The following DYM variants were observed in gnomAD, a reference collection of about 807,000 sequenced individuals.
DYM encodes the protein dymeclin.
Under a neutral mutation model 93.1 loss-of-function variants are expected in DYM, and 78 were observed. That is an observed-to-expected ratio of 0.84 (90% CI 0.70 to 1.01). DYM has a LOEUF of 1.01. Ranked by LOEUF, DYM falls within the 50% of genes least tolerant of loss-of-function variation. The pLI is 0.00. For missense variants in DYM, 789 were observed against 845.0 expected (o/e 0.93, Z 0.82); for synonymous variants, 321 against 319.7 (o/e 1.00, Z -0.04).
chr18:49,378,516 C>A (rs184227003), intron 5 of DYM, 51 bp downstream of exon 5: 3 of 1,526,168 alleles, frequency 2.0e-6, no homozygotes, highest in Admixed American at 3.4e-5. Context: ...AAATTTTATC[C>A]TTAAATGTTA....
intron 5 of DYM, among the ~76,000 whole-genome samples, 178 bp downstream of exon 5, chr18:49,378,378 AACAAAAAACGC>A (rs2067711920): frequency 6.6e-6 from 1 of 152,210 alleles, no homozygotes; most frequent in Non-Finnish European, 1.5e-5. Context: ...GAAAAACAAA[AACAAAAAACGC>A]TTGAGTCTTG....
intron 11 of DYM, among the ~76,000 whole-genome samples, chr18:49,261,302 T>A (rs953963844): frequency 4.6e-5 from 7 of 152,214 alleles, no homozygotes; most frequent in Admixed American, 4.6e-4. Context: ...GACTGCATTC[T>A]CCACTCAGAG....
intron 13 of DYM, among the ~76,000 whole-genome samples, chr18:49,234,533 T>C (rs1324964801): frequency 6.6e-6 from 1 of 152,114 alleles, no homozygotes; most frequent in Non-Finnish European, 1.5e-5. Context: ...TGAACTAAGA[T>C]GCTTCCTGGA....
At chr18:49,053,766 A>T (rs998241662) in intron 17 of DYM, among the ~76,000 whole-genome samples, 1 of 152,162 alleles carries the variant, frequency 6.6e-6, no homozygotes. Flanking sequence ...TCCATATCCT[A>T]TTGCTGTGTA....
chr18:49,405,502 T>A (rs1468640119), intron 2 of DYM, among the ~76,000 whole-genome samples: 1 of 152,206 alleles, frequency 6.6e-6, no homozygotes, highest in East Asian at 1.9e-4. Flanking sequence ...TAGGAAGTCT[T>A]TTCCTTATGA....
intron 2 of DYM, among the ~76,000 whole-genome samples, chr18:49,425,606 C>G (rs1438168525): frequency 6.6e-6 from 1 of 152,132 alleles, no homozygotes; most frequent in African/African-American, 2.4e-5. Flanking sequence ...AGTGAACAGG[C>G]AACCTACAGA....
At chr18:49,420,774 G>T (rs1003684579) in intron 2 of DYM, among the ~76,000 whole-genome samples, 3 of 152,080 alleles carry the variant, frequency 2.0e-5, no homozygotes, top group Non-Finnish European at 2.9e-5. Flanking sequence ...AAGGGAAGCC[G>T]TGACAGACAG....
At chr18:49,056,703 A>T (rs1247300324) in intron 17 of DYM, among the ~76,000 whole-genome samples, 1 of 121,902 alleles carries the variant, frequency 8.2e-6, no homozygotes, top group Non-Finnish European at 1.6e-5. Flanking sequence ...ACAACTGGGT[A>T]ATTTTTTTTT....
intron 2 of DYM, chr18:49,418,060 G>GGAA (rs1555736187): frequency 9.3e-6 from 1 of 107,710 alleles, no homozygotes; most frequent in Non-Finnish European, 1.8e-5. Context: ...AACTCTGTCT[G>GGAA]AAAAAAAAAA....
chr18:49,438,525 C>T (rs1468854539), intron 1 of DYM, among the ~76,000 whole-genome samples: 2 of 152,100 alleles, frequency 1.3e-5, no homozygotes, highest in African/African-American at 4.8e-5. Context: ...CCTTCAAGGG[C>T]ACCATCCCAA....
At chr18:49,301,979 A>G (rs1218035346) in intron 8 of DYM, among the ~76,000 whole-genome samples, 2 of 152,220 alleles carry the variant, frequency 1.3e-5, no homozygotes, top group Non-Finnish European at 2.9e-5. Context: ...GCATAATCCT[A>G]CCACTTAGGT....
chr18:49,068,684 C>A (rs1449495243), intron 17 of DYM, among the ~76,000 whole-genome samples: 1 of 152,192 alleles, frequency 6.6e-6, no homozygotes, highest in African/African-American at 2.4e-5. Flanking sequence ...CTCTCATATG[C>A]TGAGGATGAG....
chr18:49,319,543 G>A (rs1278652453), intron 8 of DYM, among the ~76,000 whole-genome samples: 1 of 152,180 alleles, frequency 6.6e-6, no homozygotes, highest in Non-Finnish European at 1.5e-5. Context: ...AAAAGATGAA[G>A]TAGGTGAATG....
At chr18:49,150,877 A>G (rs761658375) in intron 15 of DYM, among the ~76,000 whole-genome samples, 3 of 152,252 alleles carry the variant, frequency 2.0e-5, no homozygotes, top group Non-Finnish European at 4.4e-5. Context: ...TTGATTATTA[A>G]ACAAACGTGC....
chr18:49,374,327 G>T (rs547529383), intron 5 of DYM, among the ~76,000 whole-genome samples: 1 of 152,242 alleles, frequency 6.6e-6, no homozygotes, highest in South Asian at 2.1e-4. Context: ...GGTAGTCAGA[G>T]AACATAATGG....
intron 11 of DYM, among the ~76,000 whole-genome samples, chr18:49,265,483 T>C (rs2145363522): frequency 6.6e-6 from 1 of 152,224 alleles, no homozygotes; most frequent in African/African-American, 2.4e-5. Flanking sequence ...GCCACAGAAA[T>C]ATTCTGTGAA....
intron 17 of DYM, among the ~76,000 whole-genome samples, chr18:49,093,556 G>T (rs2079273027): frequency 6.6e-6 from 1 of 152,132 alleles, no homozygotes; most frequent in Non-Finnish European, 1.5e-5. Context: ...GGAAAGGAAT[G>T]ACTTGAGAAA....
At chr18:49,169,204 AG>A (rs2088321823) in intron 14 of DYM, among the ~76,000 whole-genome samples, 1 of 152,198 alleles carries the variant, frequency 6.6e-6, no homozygotes, top group South Asian at 2.1e-4. Context: ...AATAGACTGG[AG>A]GTGAACATGG....
chr18:49,101,929 G>A (rs1412062550), intron 16 of DYM, among the ~76,000 whole-genome samples: 4 of 152,304 alleles, frequency 2.6e-5, no homozygotes, highest in South Asian at 4.1e-4. Context: ...ACTACTCAAA[G>A]AAGGCTTACA....
Sources: allele counts gnomAD v4.1 joint callset (sites outside exome capture counted in the v4.1 genomes callset), GRCh38; gene constraint gnomAD v4.1.1; transcripts MANE v1.5; gene names NCBI Gene and HGNC (gene_info 2026-07-23, HGNC 2026-07-21).